The following TNFSF4 variants were observed in gnomAD, a reference collection of about 807,000 sequenced individuals.
The protein encoded by TNFSF4 is TNF superfamily member 4.
TNFSF4 carries 4 observed loss-of-function variants against 7.3 expected under a neutral mutation model. That is an observed-to-expected ratio of 0.55 (90% CI 0.27 to 1.25). The LOEUF is 1.25. Ranked by LOEUF, TNFSF4 falls within the 50% of genes most tolerant of loss-of-function variation. The pLI is 0.12. For synonymous variants in TNFSF4, 76 were observed against 83.7 expected (o/e 0.91, Z 0.50); for missense variants, 181 against 208.8 (o/e 0.87, Z 0.82).
chr1:173,416,608 T>TTTTATTTA, the TNFSF4 span, among the ~76,000 whole-genome samples: 44 of 121,984 alleles, frequency 3.6e-4, no homozygotes, highest in African/African-American at 1.2e-3. Context: ...ATTTTTTTAT[T>TTTTATTTA]TTTATTTATT....
chr1:173,221,268 T>C, the TNFSF4 span, among the ~76,000 whole-genome samples: 1 of 152,190 alleles, frequency 6.6e-6, no homozygotes, highest in Non-Finnish European at 1.5e-5. Context: ...GGAAAGCCAT[T>C]GGAAGGTTTC....
chr1:173,432,938 G>A, the TNFSF4 span, among the ~76,000 whole-genome samples: 204 of 152,204 alleles, frequency 1.3e-3, no homozygotes, highest in African/African-American at 4.5e-3. Context: ...TGTATTGTAA[G>A]ACAGTTTTTA....
the TNFSF4 span, among the ~76,000 whole-genome samples, chr1:173,444,688 A>T: frequency 6.6e-6 from 1 of 152,196 alleles, no homozygotes; most frequent in Non-Finnish European, 1.5e-5. Context: ...CTGGTAAAGG[A>T]TAAGATCCTT....
At chr1:173,285,876 A>T in the TNFSF4 span, among the ~76,000 whole-genome samples, 1 of 152,184 alleles carries the variant, frequency 6.6e-6, no homozygotes, top group African/African-American at 2.4e-5. Context: ...TCTGAAACTG[A>T]ACTTACCATA....
chr1:173,274,683 AT>A, the TNFSF4 span, among the ~76,000 whole-genome samples: 16 of 152,254 alleles, frequency 1.1e-4, no homozygotes, highest in African/African-American at 3.8e-4. Flanking sequence ...CAGAAAAAGA[AT>A]TCAGAGATTC....
the TNFSF4 span, among the ~76,000 whole-genome samples, chr1:173,415,109 G>T: frequency 2.3e-4 from 35 of 152,240 alleles, no homozygotes; most frequent in East Asian, 6.0e-3. Context: ...GATGTATTTG[G>T]GTTTCAATCC....
the TNFSF4 span, among the ~76,000 whole-genome samples, chr1:173,213,588 A>G: frequency 6.6e-6 from 1 of 152,242 alleles, no homozygotes; most frequent in Non-Finnish European, 1.5e-5. Flanking sequence ...CAAAAAAATC[A>G]ACTTTATTAA....
intron 1 of TNFSF4, among the ~76,000 whole-genome samples, chr1:173,198,808 C>T (rs1450832933): frequency 6.6e-6 from 1 of 152,092 alleles, no homozygotes; most frequent in Non-Finnish European, 1.5e-5. Flanking sequence ...AGCTCTTCAC[C>T]TCATCTGTGG....
the TNFSF4 span, among the ~76,000 whole-genome samples, chr1:173,328,244 T>C: frequency 6.6e-6 from 1 of 151,048 alleles, no homozygotes; most frequent in Admixed American, 6.6e-5. Flanking sequence ...CTCAGCAAAC[T>C]ATTGCAAAGA....
the TNFSF4 span, among the ~76,000 whole-genome samples, chr1:173,375,943 C>T: frequency 6.6e-6 from 1 of 152,078 alleles, no homozygotes; most frequent in African/African-American, 2.4e-5. Context: ...TCAGTGAGAC[C>T]ACTAACCCAC....
chr1:173,178,531 G>A, the TNFSF4 span, among the ~76,000 whole-genome samples: 1 of 152,088 alleles, frequency 6.6e-6, no homozygotes, highest in African/African-American at 2.4e-5. Context: ...CTGAGATGGC[G>A]CCACTGCACT....
At chr1:173,290,232 T>C in the TNFSF4 span, among the ~76,000 whole-genome samples, 1 of 152,124 alleles carries the variant, frequency 6.6e-6, no homozygotes, top group Non-Finnish European at 1.5e-5. Flanking sequence ...GATCAAATTC[T>C]CACACATCAA....
chr1:173,235,301 A>T, the TNFSF4 span, among the ~76,000 whole-genome samples: 2 of 152,184 alleles, frequency 1.3e-5, no homozygotes, highest in African/African-American at 4.8e-5. Flanking sequence ...ATTAAAAGAA[A>T]GCTCTCAGAG....
At chr1:173,194,048 A>G (rs1649594676) in intron 1 of TNFSF4, among the ~76,000 whole-genome samples, 1 of 152,254 alleles carries the variant, frequency 6.6e-6, no homozygotes, top group African/African-American at 2.4e-5. Flanking sequence ...TTTTACAAGT[A>G]ACCAAGGTTC....
At chr1:173,323,200 C>T in the TNFSF4 span, among the ~76,000 whole-genome samples, 3 of 152,198 alleles carry the variant, frequency 2.0e-5, no homozygotes, top group African/African-American at 4.8e-5. Flanking sequence ...TCCAGAGGAA[C>T]GATCAGGCAG....
chr1:173,301,125 A>G, the TNFSF4 span, among the ~76,000 whole-genome samples: 1 of 151,962 alleles, frequency 6.6e-6, no homozygotes, highest in Non-Finnish European at 1.5e-5. Flanking sequence ...GTTGCTTTCC[A>G]TTCTGACTTT....
chr1:173,346,371 T>A, the TNFSF4 span, among the ~76,000 whole-genome samples: 1 of 151,992 alleles, frequency 6.6e-6, no homozygotes, highest in African/African-American at 2.4e-5. Context: ...TGAAAAAAAA[T>A]TTTAAATCCC....
At chr1:173,380,414 A>G in the TNFSF4 span, among the ~76,000 whole-genome samples, 1 of 151,846 alleles carries the variant, frequency 6.6e-6, no homozygotes, top group Middle Eastern at 3.4e-3. Context: ...AGGCTAAAAG[A>G]CCCCATCAGT....
the TNFSF4 span, among the ~76,000 whole-genome samples, chr1:173,364,890 T>C: frequency 6.6e-6 from 1 of 151,912 alleles, no homozygotes; most frequent in Admixed American, 6.6e-5. Flanking sequence ...ATTATGAATA[T>C]AAAATCAGGT....
Sources: gnomAD v4.1 joint callset for allele counts (sites outside exome capture counted in the v4.1 genomes callset) on GRCh38, gnomAD v4.1.1 for gene constraint, MANE v1.5 for transcripts, NCBI Gene and HGNC (gene_info 2026-07-23, HGNC 2026-07-21) for gene names.